Variants in SMC5 observed in about 807,000 individuals in gnomAD.
SMC5 encodes structural maintenance of chromosomes protein 5.
Under a neutral mutation model 148.3 loss-of-function variants are expected in SMC5, and 88 were observed. The ratio of observed to expected loss-of-function variants is 0.59; its 90% confidence interval spans 0.50 to 0.71. The LOEUF (loss-of-function observed/expected upper bound fraction) is 0.71, where lower values mean the gene tolerates loss of function less well. Among genes scored for constraint, SMC5 ranks in the 30% least tolerant of loss-of-function variants. The pLI is 0.00. For missense variants in SMC5, 1,142 were observed against 1,298.9 expected (o/e 0.88, Z 1.86); for synonymous variants, 421 against 432.8 (o/e 0.97, Z 0.34).
At position 70,267,670 on chromosome 9, in the gene SMC5, G is replaced by A. The variant is rs1165444530; in HGVS notation, c.328-253G>A. Among the ~76,000 whole-genome samples the A allele has an allele frequency of 1.8e-4, 28 of 152,152 alleles. 1 individual carries two copies. The highest frequency in any genetic ancestry group is 1.8e-3 in the Admixed American group (28 of 15,268). The stretch of plus-strand genomic sequence containing the variant: ...TTCTGGCACTTACTGGCTTTGTCAC[G>A]AGGTTGGTAAGAGGCTATGGAGTGC... On this transcript the variant is annotated intron_variant, in intron 2 of 24. Coordinates refer to ENST00000361138, the MANE Select transcript of SMC5 (RefSeq NM_015110.4).
rs1249530448 is a variant in SMC5 at position 70,349,925 on chromosome 9, A to T, written c.2890-189A>T. Among the ~76,000 whole-genome samples, 4 of 152,186 alleles carry T rather than the reference A, an allele frequency of 2.6e-5. No individual in the cohort carries two copies. In the East Asian group the frequency reaches 7.7e-4, roughly 29 times the overall value. ...TTCTTTGAAAACCCTTAAAGCTTTT[A>T]GATAGTAACTGTTTGCTTAATATTT... is the stretch of plus-strand genomic sequence containing the variant. On this transcript the variant is annotated intron_variant, in intron 22 of 24. Transcript: ENST00000361138.
chr9:70,292,238 T>C (rs2035082427), intron 8 of SMC5, among the ~76,000 whole-genome samples: 1 of 152,202 alleles, frequency 6.6e-6, no homozygotes, highest in South Asian at 2.1e-4. Flanking sequence ...GGGATTTTAA[T>C]AGGAATTTCA....
At position 70,318,982 on chromosome 9, in the gene SMC5, A is replaced by AG. The variant is rs35626673; in HGVS notation, c.2150+25dup. 14 of 1,585,872 alleles carry AG rather than the reference A, an allele frequency of 8.8e-6. No homozygotes were observed. The highest frequency in any genetic ancestry group is 2.7e-5 in the African/African-American group (2 of 73,184). Reference sequence around the variant, plus strand: ...TAGGAAGGTATCTTTTAGCCTATTCAGGGGGGAGAGCACAAATTACTGTAT... The same window carrying AG: ...TAGGAAGGTATCTTTTAGCCTATTCAGGGGGGGAGAGCACAAATTACTGTAT... On this transcript the variant is annotated intron_variant, in intron 15 of 24. Transcript: ENST00000361138.
intron 17 of SMC5, among the ~76,000 whole-genome samples, chr9:70,329,359 G>A (rs1024347417): frequency 1.3e-5 from 2 of 152,212 alleles, no homozygotes; most frequent in African/African-American, 4.8e-5. Flanking sequence ...TAGGCTGTTA[G>A]AAGCAGCCAG....
chr9:70,265,717 C>G (rs1034123260), intron 2 of SMC5, among the ~76,000 whole-genome samples: 3 of 152,048 alleles, frequency 2.0e-5, no homozygotes, highest in African/African-American at 7.2e-5. Flanking sequence ...GTAGATGTAG[C>G]TGCATTAATA....
At chr9:70,332,523 CAAAAAAAAAA>C (rs57524323) in intron 17 of SMC5, among the ~76,000 whole-genome samples, 2 of 104,210 alleles carry the variant, frequency 1.9e-5, no homozygotes, top group African/African-American at 3.7e-5. Flanking sequence ...GACCCTGTCT[CAAAAAAAAAA>C]AAAAAAAAAA....
intron 18 of SMC5, chr9:70,344,525 T>C (rs1224200954): frequency 1.8e-5 from 3 of 170,034 alleles, no homozygotes; most frequent in Non-Finnish European, 3.7e-5. Flanking sequence ...ATATAGTTTT[T>C]CATGGAAACA....
intron 7 of SMC5, among the ~76,000 whole-genome samples, chr9:70,283,245 G>T (rs940215538): frequency 6.6e-6 from 1 of 152,062 alleles, no homozygotes; most frequent in African/African-American, 2.4e-5. Flanking sequence ...GGGCGGATCA[G>T]TTGAGCTCAG....
chr9:70,304,067 C>A (rs1362209555), intron 10 of SMC5, among the ~76,000 whole-genome samples: 2 of 152,090 alleles, frequency 1.3e-5, no homozygotes, highest in African/African-American at 2.4e-5. Flanking sequence ...GCCTCACTTG[C>A]AGAATTGTCT....
At chr9:70,312,581 C>T (rs1162106893) in intron 11 of SMC5, among the ~76,000 whole-genome samples, 2 of 152,178 alleles carry the variant, frequency 1.3e-5, no homozygotes, top group African/African-American at 4.8e-5. Flanking sequence ...CACAAATGCT[C>T]TTTATTAGGT....
chr9:70,273,065 T>C (rs2034494437), intron 3 of SMC5, among the ~76,000 whole-genome samples: 1 of 152,208 alleles, frequency 6.6e-6, no homozygotes, highest in African/African-American at 2.4e-5. Context: ...TAGTATTTTA[T>C]TTAGAATTTT....
intron 17 of SMC5, among the ~76,000 whole-genome samples, chr9:70,339,843 G>C (rs1267270427): frequency 6.6e-6 from 1 of 152,186 alleles, no homozygotes; most frequent in African/African-American, 2.4e-5. Flanking sequence ...GAAAAAGGTA[G>C]ATGGTGGGAA....
At chr9:70,343,427 A>C (rs2036574693) in intron 17 of SMC5, among the ~76,000 whole-genome samples, 1 of 152,198 alleles carries the variant, frequency 6.6e-6, no homozygotes, top group Admixed American at 6.5e-5. Flanking sequence ...GTACTTGGAA[A>C]ACTATCAAGC....
chr9:70,262,277 CAT>C (rs1490610844), intron 1 of SMC5, among the ~76,000 whole-genome samples: 16 of 152,002 alleles, frequency 1.1e-4, no homozygotes, highest in African/African-American at 3.9e-4. Flanking sequence ...GAAAGAAGTA[CAT>C]TATAGGTAGA....
intron 12 of SMC5, 110 bp from the exon 13 acceptor site, chr9:70,315,336 T>G: frequency 1.6e-6 from 1 of 614,896 alleles, no homozygotes; most frequent in Non-Finnish European, 2.6e-6. Context: ...TCCTGTGTCA[T>G]TGTTGAAATA....
At chr9:70,329,559 A>G (rs1371031403) in intron 17 of SMC5, among the ~76,000 whole-genome samples, 3 of 152,174 alleles carry the variant, frequency 2.0e-5, no homozygotes, top group Admixed American at 2.0e-4. Context: ...AGACCACCTT[A>G]ATCTGGACTT....
chr9:70,351,583 T>A (rs534930766), intron 24 of SMC5, among the ~76,000 whole-genome samples: 3 of 152,162 alleles, frequency 2.0e-5, no homozygotes, highest in African/African-American at 7.2e-5. Context: ...AGTGAAAGTA[T>A]CTACCCTAGG....
intron 1 of SMC5, among the ~76,000 whole-genome samples, chr9:70,261,463 A>G (rs1341682182): frequency 1.3e-5 from 2 of 152,240 alleles, no homozygotes; most frequent in East Asian, 3.9e-4. Flanking sequence ...CCCAAGTGTA[A>G]GAGCCTTAGC....
At position 70,264,274 on chromosome 9, in the gene SMC5, C is replaced by T. The variant is rs746460559; in HGVS notation, c.186-30C>T. On this transcript the variant is annotated intron_variant, in intron 1 of 24. Coordinates refer to ENST00000361138, the MANE Select transcript of SMC5 (RefSeq NM_015110.4). ...CAAGGAAAAGTGGTTTTGTATCTCTCCTTAATAATTTCATCTCTTTATAAT... is the reference window on the plus strand; with the variant it reads ...CAAGGAAAAGTGGTTTTGTATCTCTTCTTAATAATTTCATCTCTTTATAAT... 2.5e-6 allele frequency: 4 copies of T among 1,591,868 alleles called. No individual in the cohort carries two copies. In the South Asian group the frequency reaches 4.6e-5, roughly 18 times the overall value.
Sources: allele counts gnomAD v4.1 joint callset (sites outside exome capture counted in the v4.1 genomes callset), GRCh38; gene constraint gnomAD v4.1.1; transcripts MANE v1.5; gene names NCBI Gene and HGNC (gene_info 2026-07-23, HGNC 2026-07-21).